The following ROR1 variants were observed in gnomAD, a reference collection of about 807,000 sequenced individuals.
ROR1 encodes inactive tyrosine-protein kinase transmembrane receptor ROR1.
A neutral mutation model predicts 78.8 loss-of-function variants in ROR1; 19 were observed. That is an observed-to-expected ratio of 0.24 (90% CI 0.17 to 0.35). The LOEUF (loss-of-function observed/expected upper bound fraction) is 0.35, where lower values mean the gene tolerates loss of function less well. ROR1 is among the 10% of genes least tolerant of loss of function. The pLI, the probability that ROR1 is intolerant of heterozygous loss-of-function variation, is 1.00. For missense variants in ROR1, 917 were observed against 1,177.8 expected, an observed-to-expected ratio of 0.78 and a Z score of 3.24; for synonymous variants, 386 against 433.6, an observed-to-expected ratio of 0.89 and a Z score of 1.36.
intron 1 of ROR1, among the ~76,000 whole-genome samples, chr1:63,847,626 T>C (rs1645089428): frequency 6.6e-6 from 1 of 152,124 alleles, no homozygotes; most frequent in Non-Finnish European, 1.5e-5. Context: ...GCTGGGTCGG[T>C]AAAACCCACT....
intron 2 of ROR1, among the ~76,000 whole-genome samples, chr1:64,028,708 G>T (rs1411818687): frequency 6.6e-6 from 1 of 152,124 alleles, no homozygotes; most frequent in Non-Finnish European, 1.5e-5. Context: ...GAGATATTTT[G>T]GTACAGGTGT....
chr1:63,949,621 A>G (rs1312454112), intron 1 of ROR1, among the ~76,000 whole-genome samples: 1 of 152,128 alleles, frequency 6.6e-6, no homozygotes, highest in Non-Finnish European at 1.5e-5. Flanking sequence ...GAGCTGGCCC[A>G]CATTCACAGA....
At chr1:63,794,124 C>G (rs1644743885) in intron 1 of ROR1, among the ~76,000 whole-genome samples, 1 of 152,184 alleles carries the variant, frequency 6.6e-6, no homozygotes, top group South Asian at 2.1e-4. Context: ...GGGCCTCTGA[C>G]AAAGCTAATG....
chr1:64,016,331 A>G (rs1436771099), intron 2 of ROR1, among the ~76,000 whole-genome samples: 1 of 152,188 alleles, frequency 6.6e-6, no homozygotes, highest in African/African-American at 2.4e-5. Context: ...CTGGATCTCA[A>G]GGCCTTAATA....
chr1:63,822,494 G>A (rs2772104), intron 1 of ROR1, among the ~76,000 whole-genome samples: 3,786 of 152,100 alleles, frequency 0.025, 162 homozygotes, highest in African/African-American at 0.087. Context: ...TGAGAAAAGA[G>A]CAAAGATGTA....
At chr1:64,121,681 C>A (rs1648548497) in intron 4 of ROR1, among the ~76,000 whole-genome samples, 1 of 152,068 alleles carries the variant, frequency 6.6e-6, no homozygotes, top group Non-Finnish European at 1.5e-5. Flanking sequence ...TTTATATTAT[C>A]CACAGAGTCT....
At chr1:63,958,812 A>T (rs940976024) in intron 1 of ROR1, among the ~76,000 whole-genome samples, 1 of 152,188 alleles carries the variant, frequency 6.6e-6, no homozygotes, top group Non-Finnish European at 1.5e-5. Context: ...AGGACAAATG[A>T]AGCATGTGTC....
At chr1:63,783,213 G>A (rs1227183093) in intron 1 of ROR1, among the ~76,000 whole-genome samples, 2 of 152,184 alleles carry the variant, frequency 1.3e-5, no homozygotes, top group African/African-American at 2.4e-5. Context: ...AAGGGTGGAG[G>A]AGGAGAGAGA....
At chr1:63,890,809 C>T (rs982693847) in intron 1 of ROR1, among the ~76,000 whole-genome samples, 16 of 152,068 alleles carry the variant, frequency 1.1e-4, no homozygotes, top group Admixed American at 4.6e-4. Flanking sequence ...CTCTACCTTC[C>T]AGAGTCTCAG....
At chr1:63,891,722 G>A (rs1451620305) in intron 1 of ROR1, among the ~76,000 whole-genome samples, 1 of 152,126 alleles carries the variant, frequency 6.6e-6, no homozygotes, top group African/African-American at 2.4e-5. Context: ...GGGTGAATTT[G>A]ATGTCACCTT....
intron 4 of ROR1, among the ~76,000 whole-genome samples, chr1:64,132,179 T>A (rs1157199877): frequency 2.0e-5 from 3 of 152,218 alleles, no homozygotes; most frequent in Non-Finnish European, 4.4e-5. Context: ...TTCAGCTTAT[T>A]TCACTTAGCA....
chr1:63,992,472 C>G (rs971942276), intron 1 of ROR1, among the ~76,000 whole-genome samples: 5 of 152,224 alleles, frequency 3.3e-5, no homozygotes, highest in Non-Finnish European at 7.4e-5. Context: ...TCTCAAAGTG[C>G]TGGGATTACA....
At chr1:63,790,861 T>C (rs1030672438) in intron 1 of ROR1, among the ~76,000 whole-genome samples, 1 of 152,216 alleles carries the variant, frequency 6.6e-6, no homozygotes, top group Non-Finnish European at 1.5e-5. Flanking sequence ...GAAAGTGTTC[T>C]CAGTTTTGAA....
intron 8 of ROR1, among the ~76,000 whole-genome samples, chr1:64,176,864 A>G (rs1650395826): frequency 6.6e-6 from 1 of 152,252 alleles, no homozygotes; most frequent in Non-Finnish European, 1.5e-5. Flanking sequence ...GAACAAAAGT[A>G]TTAGGCAAGA....
intron 1 of ROR1, among the ~76,000 whole-genome samples, chr1:63,968,976 A>G (rs1646097555): frequency 6.6e-6 from 1 of 152,182 alleles, no homozygotes; most frequent in African/African-American, 2.4e-5. Context: ...GCTTCCTTGG[A>G]ATGCTATTAA....
intron 7 of ROR1, among the ~76,000 whole-genome samples, chr1:64,155,745 C>T (rs1018216029): frequency 6.6e-6 from 1 of 152,166 alleles, no homozygotes; most frequent in East Asian, 1.9e-4. Flanking sequence ...TGCGTTAGTA[C>T]TAAATTAGCC....
intron 1 of ROR1, among the ~76,000 whole-genome samples, chr1:63,880,522 T>C (rs1258268372): frequency 6.6e-6 from 1 of 152,190 alleles, no homozygotes; most frequent in Non-Finnish European, 1.5e-5. Flanking sequence ...TCAATAATCA[T>C]AAGTAGCCCC....
intron 7 of ROR1, among the ~76,000 whole-genome samples, chr1:64,150,869 T>C (rs970228031): frequency 6.6e-6 from 1 of 152,226 alleles, no homozygotes; most frequent in African/African-American, 2.4e-5. Context: ...TTGTTCCTAG[T>C]ATATATTGAG....
intron 1 of ROR1, among the ~76,000 whole-genome samples, chr1:63,796,477 CT>C (rs1361106229): frequency 6.6e-6 from 1 of 152,184 alleles, no homozygotes; most frequent in African/African-American, 2.4e-5. Flanking sequence ...AGAACCATGG[CT>C]TTAAAGAACC....
Sources: allele counts gnomAD v4.1 joint callset (sites outside exome capture counted in the v4.1 genomes callset), GRCh38; gene constraint gnomAD v4.1.1; transcripts MANE v1.5; gene names NCBI Gene and HGNC (gene_info 2026-07-23, HGNC 2026-07-21).